Variants in FHIT observed in about 807,000 individuals in gnomAD.
The protein encoded by FHIT is fragile histidine triad diadenosine triphosphatase.
Under a neutral mutation model 17.9 loss-of-function variants are expected in FHIT, and 19 were observed. The ratio of observed to expected loss-of-function variants is 1.06; its 90% CI spans 0.74 to 1.56. FHIT has a LOEUF of 1.56. FHIT is among the 40% of genes most tolerant of loss of function. FHIT has a pLI of 0.00. For synonymous variants in FHIT, 81 were observed against 69.7 expected (o/e 1.16, Z -0.81); for missense variants, 248 against 189.2 (o/e 1.31, Z -1.82).
chr3:60,463,315 A>G (rs2032587438), intron 5 of FHIT, among the ~76,000 whole-genome samples: 1 of 152,188 alleles, frequency 6.6e-6, no homozygotes, highest in Non-Finnish European at 1.5e-5. Flanking sequence ...ATCTAAGGAA[A>G]ATGATATATC....
intron 4 of FHIT, chr3:60,730,457 T>C: frequency 4.4e-6 from 1 of 225,234 alleles, no homozygotes; most frequent in Non-Finnish European, 1.0e-5. Context: ...TAAATCCTTT[T>C]ATTCTTAGGT....
chr3:60,688,190 A>G (rs2040902905), intron 4 of FHIT, among the ~76,000 whole-genome samples: 1 of 152,142 alleles, frequency 6.6e-6, no homozygotes, highest in South Asian at 2.1e-4. Context: ...TCACATTTAT[A>G]TTTCCTCTTT....
intron 5 of FHIT, among the ~76,000 whole-genome samples, chr3:60,533,811 T>A (rs2035876116): frequency 6.6e-6 from 1 of 152,190 alleles, no homozygotes; most frequent in Non-Finnish European, 1.5e-5. Flanking sequence ...ATTTGGACTT[T>A]ATCCTCAAAA....
At chr3:59,833,692 T>C (rs1701242237) in intron 8 of FHIT, among the ~76,000 whole-genome samples, 1 of 152,202 alleles carries the variant, frequency 6.6e-6, no homozygotes, top group Non-Finnish European at 1.5e-5. Flanking sequence ...AAATCACTAT[T>C]ATACTCATGA....
chr3:60,978,648 C>G (rs938325280), intron 3 of FHIT, among the ~76,000 whole-genome samples: 20 of 152,056 alleles, frequency 1.3e-4, no homozygotes, highest in South Asian at 8.3e-4. Flanking sequence ...TCATTTTCTC[C>G]ATCTATAAAC....
At chr3:60,061,808 G>T (rs1702305008) in intron 5 of FHIT, among the ~76,000 whole-genome samples, 1 of 152,148 alleles carries the variant, frequency 6.6e-6, no homozygotes, top group Admixed American at 6.6e-5. Flanking sequence ...TGAAAGGAAA[G>T]CAGACAAGGG....
At position 60,442,754 on chromosome 3, in the gene FHIT, G is replaced by A. The variant is rs532218950; in HGVS notation, c.103+94106C>T. 5.8e-3 allele frequency among the ~76,000 whole-genome samples: 876 copies of A among 152,192 alleles called. 9 individuals carry two copies. Among genetic ancestry groups the A allele is most frequent in the African/African-American group, 0.02 (838 of 41,514 alleles). On this transcript the variant is annotated intron_variant, in intron 5 of 9. Transcript: ENST00000492590. ...TGGCTCAGGATTGACTTGGCAATGC[G>A]GGCTCTTTTTTGGTCCCATAAGAAC...
At chr3:59,899,448 G>A (rs967187308) in intron 8 of FHIT, among the ~76,000 whole-genome samples, 1 of 152,124 alleles carries the variant, frequency 6.6e-6, no homozygotes, top group South Asian at 2.1e-4. Context: ...TGTCTTTGTG[G>A]AACTAATACA....
chr3:59,957,392 C>A (rs924683867), intron 7 of FHIT, among the ~76,000 whole-genome samples: 1 of 152,242 alleles, frequency 6.6e-6, no homozygotes, highest in Non-Finnish European at 1.5e-5. Context: ...CTGCTGACAC[C>A]TTGGTCTTTG....
At chr3:60,866,394 C>G (rs993325646) in intron 3 of FHIT, among the ~76,000 whole-genome samples, 3 of 152,124 alleles carry the variant, frequency 2.0e-5, no homozygotes, top group Admixed American at 1.3e-4. Context: ...GTGGCTGTCT[C>G]TGGAGGAAGC....
chr3:60,553,375 C>T, intron 4 of FHIT: 1 of 980,818 alleles, frequency 1.0e-6, no homozygotes, highest in Non-Finnish European at 1.2e-6. Context: ...TGTGAATCAG[C>T]AACCCCCTTC....
intron 3 of FHIT, among the ~76,000 whole-genome samples, chr3:60,942,012 G>T (rs1278534667): frequency 1.3e-5 from 2 of 152,204 alleles, no homozygotes; most frequent in Non-Finnish European, 2.9e-5. Flanking sequence ...TTTTGAGATG[G>T]AGTCTTGCAC....
At chr3:59,986,524 T>TATATTTATATAAATATATAA (rs1708922191) in intron 7 of FHIT, among the ~76,000 whole-genome samples, 6 of 4,052 alleles carry the variant, frequency 1.5e-3, no homozygotes, top group Non-Finnish European at 3.7e-3. Flanking sequence ...TATATATATA[T>TATATTTATATAAATATATAA]ATATATATAT....
chr3:61,163,302 T>C (rs1015566195), intron 2 of FHIT, among the ~76,000 whole-genome samples: 2 of 152,216 alleles, frequency 1.3e-5, no homozygotes, highest in Non-Finnish European at 2.9e-5. Context: ...CATTGACATT[T>C]ATCTGTCTGG....
chr3:60,705,354 C>A lies in FHIT; in HGVS notation c.-18+116565G>T, dbSNP rs181819173. Among the ~76,000 whole-genome samples, 5 of 152,238 alleles carry A rather than the reference C, an allele frequency of 3.3e-5. No homozygotes were observed. In the East Asian group the frequency reaches 9.7e-4, roughly 29 times the overall value. On this transcript the variant is annotated intron_variant, in intron 4 of 9. Transcript: ENST00000492590. ...ATGGAGACCAAAGGGAAATAAGAAC[C>A]TTCACCTTGTTTCAGAGTCAGGCAA...
chr3:60,251,766 T>A (rs1465642408), intron 5 of FHIT, among the ~76,000 whole-genome samples: 1 of 152,110 alleles, frequency 6.6e-6, no homozygotes, highest in Non-Finnish European at 1.5e-5. Context: ...ACCTTTCTTT[T>A]CCCTCCCATT....
intron 5 of FHIT, among the ~76,000 whole-genome samples, chr3:60,283,213 C>T (rs760795685): frequency 6.6e-5 from 10 of 151,618 alleles, no homozygotes; most frequent in Admixed American, 2.6e-4. Context: ...TTTAGGAGAG[C>T]GAAAAACAGG....
intron 1 of FHIT, among the ~76,000 whole-genome samples, chr3:61,213,968 G>C (rs2039580730): frequency 6.6e-6 from 1 of 152,016 alleles, no homozygotes; most frequent in African/African-American, 2.4e-5. Context: ...CGAGAACAAA[G>C]ACACAACATA....
rs189902677 is a variant in FHIT, at chr3:60,727,345, G to A, written c.-18+94574C>T. Among the ~76,000 whole-genome samples, 44 of 152,178 alleles carry A rather than the reference G, an allele frequency of 2.9e-4. 1 individual carries two copies. The Middle Eastern group carries it at 0.014, about 47-fold the overall frequency. ...AACGCTCCAGAGAATTCAGTGTATC[G>A]AAATGTTAATACACTTTTATATATT... On this transcript the variant is annotated intron_variant, in intron 4 of 9. Coordinates refer to ENST00000492590, the MANE Select transcript of FHIT (RefSeq NM_002012.4).
Sources: allele counts gnomAD v4.1 joint callset (sites outside exome capture counted in the v4.1 genomes callset), GRCh38; gene constraint gnomAD v4.1.1; transcripts MANE v1.5; gene names NCBI Gene and HGNC (gene_info 2026-07-23, HGNC 2026-07-21).